Variants in CAMK2D observed in about 807,000 individuals in gnomAD.
The protein encoded by CAMK2D is calcium/calmodulin-dependent protein kinase type II subunit delta.
CAMK2D carries 37 observed loss-of-function variants against 84.0 expected under a neutral mutation model. The ratio of observed to expected loss-of-function variants is 0.44; its 90% CI spans 0.34 to 0.58. The LOEUF is 0.58. Ranked by LOEUF, CAMK2D falls within the 20% of genes least tolerant of loss-of-function variation. The pLI, the probability that CAMK2D is intolerant of heterozygous loss-of-function variation, is 0.02. For missense variants in CAMK2D, 448 were observed against 652.5 expected (o/e 0.69, Z 3.41); for synonymous variants, 202 against 212.5 (o/e 0.95, Z 0.43).
chr4:113,589,052 AG>A (rs1163220854), intron 4 of CAMK2D, among the ~76,000 whole-genome samples: 1 of 152,130 alleles, frequency 6.6e-6, no homozygotes, highest in Non-Finnish European at 1.5e-5. Context: ...CCAAGGAAAG[AG>A]GAAGTGCAAA....
At chr4:113,596,912 C>A (rs531273359) in intron 4 of CAMK2D, among the ~76,000 whole-genome samples, 4 of 151,972 alleles carry the variant, frequency 2.6e-5, no homozygotes, top group African/African-American at 9.7e-5. Context: ...CTCAGCCTCC[C>A]GGGTTCACGC....
chr4:113,668,020 G>T (rs1443934292), intron 2 of CAMK2D, among the ~76,000 whole-genome samples: 2 of 152,028 alleles, frequency 1.3e-5, no homozygotes. Flanking sequence ...TGTGCTGGAA[G>T]CTCATACAAA....
chr4:113,592,514 T>C (rs894156761), intron 4 of CAMK2D, among the ~76,000 whole-genome samples: 1 of 152,240 alleles, frequency 6.6e-6, no homozygotes, highest in Non-Finnish European at 1.5e-5. Context: ...TGATTTTACA[T>C]TTAATTAACT....
chr4:113,475,939 A>C (rs527846321), intron 16 of CAMK2D, among the ~76,000 whole-genome samples: 3 of 152,332 alleles, frequency 2.0e-5, no homozygotes, highest in African/African-American at 7.2e-5. Context: ...AATTTACAAA[A>C]CATATGGGAA....
intron 8 of CAMK2D, among the ~76,000 whole-genome samples, chr4:113,526,669 T>C (rs2098420412): frequency 6.6e-6 from 1 of 151,920 alleles, no homozygotes; most frequent in Non-Finnish European, 1.5e-5. Flanking sequence ...AGGTTAGATA[T>C]ATGAACTGTA....
At chr4:113,580,453 C>T (rs981950854) in intron 4 of CAMK2D, among the ~76,000 whole-genome samples, 1 of 150,972 alleles carries the variant, frequency 6.6e-6, no homozygotes, top group African/African-American at 2.5e-5. Flanking sequence ...TAAGATGTAC[C>T]ACATTTTCTT....
At chr4:113,670,800 C>T (rs796848853) in intron 2 of CAMK2D, among the ~76,000 whole-genome samples, 6 of 151,500 alleles carry the variant, frequency 4.0e-5, no homozygotes, top group African/African-American at 1.5e-4. Flanking sequence ...CAGTGGTGGG[C>T]GCCTGTTGTC....
intron 4 of CAMK2D, among the ~76,000 whole-genome samples, chr4:113,564,951 G>A (rs935081596): frequency 2.0e-5 from 3 of 152,158 alleles, no homozygotes; most frequent in African/African-American, 7.2e-5. Flanking sequence ...ATATCCATGT[G>A]ATACATAAAG....
At chr4:113,659,440 T>C (rs1456987687) in intron 3 of CAMK2D, among the ~76,000 whole-genome samples, 2 of 152,200 alleles carry the variant, frequency 1.3e-5, no homozygotes, top group Non-Finnish European at 2.9e-5. Context: ...ACTGTATTAT[T>C]TGCATATAGA....
chr4:113,757,803 A>T (rs1405568916), intron 2 of CAMK2D, among the ~76,000 whole-genome samples: 1 of 152,130 alleles, frequency 6.6e-6, no homozygotes, highest in Admixed American at 6.5e-5. Flanking sequence ...AAGGGAAAAG[A>T]GAGTAAAATG....
intron 2 of CAMK2D, among the ~76,000 whole-genome samples, chr4:113,711,993 G>A (rs61132453): frequency 0.043 from 6,578 of 152,190 alleles, 262 homozygotes; most frequent in African/African-American, 0.094. Flanking sequence ...GGGAGGTCTG[G>A]TGAAGGCCCT....
intron 4 of CAMK2D, among the ~76,000 whole-genome samples, chr4:113,588,438 A>AT (rs2098843854): frequency 1.3e-5 from 2 of 152,218 alleles, no homozygotes; most frequent in African/African-American, 4.8e-5. Context: ...CCATACAGGC[A>AT]TAACTATTTT....
At chr4:113,571,392 T>A (rs981077036) in intron 4 of CAMK2D, among the ~76,000 whole-genome samples, 1 of 152,130 alleles carries the variant, frequency 6.6e-6, no homozygotes, top group East Asian at 1.9e-4. Flanking sequence ...TAAGTGTCCA[T>A]CAACAGATGT....
chr4:113,676,956 T>G (rs1417487030), intron 2 of CAMK2D, among the ~76,000 whole-genome samples: 3 of 152,214 alleles, frequency 2.0e-5, no homozygotes, highest in African/African-American at 2.4e-5. Context: ...GCTTTTCTCC[T>G]GTTAATCTGT....
intron 3 of CAMK2D, among the ~76,000 whole-genome samples, chr4:113,636,318 T>C (rs1117524): frequency 0.6 from 90,758 of 151,750 alleles, 29,006 homozygotes; most frequent in African/African-American, 0.81. Context: ...TGTGTTCTAT[T>C]TCCATTGCTG....
Position 113,457,429 on chromosome 4 carries a change from T to C in CAMK2D, c.1441A>G (p.Met481Val), listed in dbSNP as rs547989734. 1.9e-6 allele frequency: 3 copies of C among 1,613,898 alleles called. No homozygotes were observed. Among genetic ancestry groups the C allele is most frequent in the Admixed American group, 1.7e-5 (1 of 60,008 alleles). Residue 481 changes from methionine (M) to valine (V), a missense_variant, in exon 19 of 21, where the codon ATG becomes GTG. Transcript: ENST00000511664. ...YMDGSGMPKT[M>V]QSEETRVWHR... Reference sequence around the variant, plus strand: ...CACACACGAGTCTCTTCTGACTGCATTGTCTTTGGCATTCCACTGCCATCC... The same window carrying C: ...CACACACGAGTCTCTTCTGACTGCACTGTCTTTGGCATTCCACTGCCATCC...
At chr4:113,565,460 G>T (rs2098718352) in intron 4 of CAMK2D, among the ~76,000 whole-genome samples, 1 of 152,006 alleles carries the variant, frequency 6.6e-6, no homozygotes, top group Non-Finnish European at 1.5e-5. Flanking sequence ...AGAACAGCCT[G>T]GCCCACATGG....
chr4:113,635,875 T>C (rs59481114), intron 3 of CAMK2D, among the ~76,000 whole-genome samples: 7,229 of 152,330 alleles, frequency 0.047, 484 homozygotes, highest in African/African-American at 0.14. Context: ...ATTGGACTGA[T>C]AGCCTGCTGA....
rs553702764 is a variant in CAMK2D at position 113,582,357 on chromosome 4, G to C, written c.275+26795C>G. Reference sequence around the variant, plus strand: ...ACACACGTTTCTATTTAGCAGAGCTGTCTCTTTAACCTGAATTTATTGAGG... The same window carrying C: ...ACACACGTTTCTATTTAGCAGAGCTCTCTCTTTAACCTGAATTTATTGAGG... On this transcript the variant is annotated intron_variant, in intron 4 of 20. Transcript: ENST00000511664. Among the ~76,000 whole-genome samples the C allele has an allele frequency of 3.9e-5, 6 of 152,276 alleles. 1 individual carries two copies. The South Asian group carries it at 1.2e-3, about 32-fold the overall frequency.
Sources: allele counts gnomAD v4.1 joint callset (sites outside exome capture counted in the v4.1 genomes callset), GRCh38; gene constraint gnomAD v4.1.1; transcripts MANE v1.5; gene names NCBI Gene and HGNC (gene_info 2026-07-23, HGNC 2026-07-21).